ZNF740: variants seen among roughly 807,000 people sequenced by gnomAD.
ZNF740 encodes zinc finger protein 740, also known as oriLyt TD-element-binding protein 7.
A neutral mutation model predicts 24.8 loss-of-function variants in ZNF740; 14 were observed. That is an observed-to-expected ratio of 0.56 (90% CI 0.37 to 0.88). The LOEUF is 0.88. Among genes scored for constraint, ZNF740 ranks in the 40% least tolerant of loss-of-function variants. ZNF740 has a pLI of 0.00. For missense variants in ZNF740, 201 were observed against 247.9 expected (o/e 0.81, Z 1.27); for synonymous variants, 69 against 84.0 (o/e 0.82, Z 0.98).
chr12:53,181,121 G>GCTA, intron 1 of ZNF740: 1 of 968,454 alleles, frequency 1.0e-6, no homozygotes, highest in Non-Finnish European at 1.2e-6. Context: ...CTCTGCTCCC[G>GCTA]GTTGGTGCAG....
chr12:53,193,893 GAA>G lies in ZNF740; in HGVS notation c.*6305_*6306del. 1 of 1,612,606 alleles carries G rather than the reference GAA, an allele frequency of 6.2e-7. No individual in the cohort carries two copies. On this transcript the variant is annotated 3_prime_UTR_variant, in exon 7 of 7. Transcript: ENST00000416904. ...AGTGGGTGGCTTGGAGAGAAACCCAGAAAGTCACCTGAGAAGAGGCAGGAATC... is the reference window on the plus strand; with the variant it reads ...AGTGGGTGGCTTGGAGAGAAACCCAGAGTCACCTGAGAAGAGGCAGGAATC...
chr12:53,188,444 A>G lies in ZNF740; in HGVS notation c.*854A>G, dbSNP rs975199967. On this transcript the variant is annotated 3_prime_UTR_variant, in exon 7 of 7. Transcript: ENST00000416904. Reference sequence around the variant, plus strand: ...TCGGTCTTGGAGATGGTATGTGGCTACCTCGCTGCCATTGACTCCTAAAGT... The same window carrying G: ...TCGGTCTTGGAGATGGTATGTGGCTGCCTCGCTGCCATTGACTCCTAAAGT... The G allele has an allele frequency of 6.6e-6, 1 of 152,492 alleles. No individual in the cohort carries two copies. Among genetic ancestry groups the G allele is most frequent in the Non-Finnish European group, 1.5e-5 (1 of 68,020 alleles). The allele number at this position is 152,492 out of a possible 1,614,324, so 9.4% of individuals were successfully genotyped here.
rs1941795365 is a variant in ZNF740 at position 53,184,999 on chromosome 12, G to A, written c.118G>A (p.Glu40Lys). ...QIASKQAENG[E>K]RAGSPDVLRC... ...TGCCAGCAAGCAGGCCGAGAATGGC[G>A]AGCGGGCAGGTAGCCCTGATGTGCT... Residue 40 changes from glutamate to lysine, a missense_variant, in exon 3 of 7, where the codon GAG (glutamate) becomes AAG (lysine). By Grantham distance (56) the Glu-to-Lys change is moderately conservative. Transcript: ENST00000416904. 1.9e-6 allele frequency: 3 copies of A among 1,614,020 alleles called. No individual in the cohort carries two copies. The highest frequency in any genetic ancestry group is 1.7e-6 in the Non-Finnish European group (2 of 1,179,902).
At position 53,190,817 on chromosome 12, in the gene ZNF740, G is replaced by A. The variant is rs574016508; in HGVS notation, c.*3227G>A. Reference sequence around the variant, plus strand: ...ATTAAAGTGCAGTGTATGTTCCTTCGTGATATATTTAGGATATTTAAATAA... The same window carrying A: ...ATTAAAGTGCAGTGTATGTTCCTTCATGATATATTTAGGATATTTAAATAA... On this transcript the variant is annotated 3_prime_UTR_variant, in exon 7 of 7. Transcript: ENST00000416904. The A allele has an allele frequency of 1.9e-4, 29 of 151,856 alleles. No individual in the cohort carries two copies. The highest frequency in any genetic ancestry group is 4.8e-4 in the African/African-American group (20 of 41,366). The allele number at this position is 151,856 out of a possible 1,614,324, so 9.4% of individuals were successfully genotyped here. A position where few individuals can be genotyped will look rare whatever the true frequency, so the allele number is the denominator to read the frequency against.
chr12:53,181,541 A>G, intron 1 of ZNF740, 136 bp from the exon 2 acceptor site: 1 of 979,748 alleles, frequency 1.0e-6, no homozygotes. Flanking sequence ...TTGACCTAGA[A>G]AGAAAACTCT....
rs200684657 is a variant in ZNF740, at chr12:53,187,587, A to G, written c.579A>G (p.Leu193=). The part of the protein sequence containing the change: ...QSKTSDGQFS[L] ...AGACTTCCGACGGGCAGTTTTCTCT[A>G]TAGGCGCAAGGGGCCCCGGGTGGTG... Residue 193 remains leucine (L), a synonymous_variant, in exon 7 of 7, where the codon CTA becomes CTG. Transcript: ENST00000416904. 586 of 1,613,814 alleles carry G rather than the reference A, an allele frequency of 3.6e-4. 1 individual carries two copies. Among genetic ancestry groups the G allele is most frequent in the Admixed American group, 1.0e-3 (61 of 60,016 alleles).
rs1425097851 is a variant in ZNF740, at chr12:53,192,573, C to T, written c.*4983C>T. The T allele has an allele frequency of 6.2e-7, 1 of 1,607,230 alleles. No homozygotes were observed. On this transcript the variant is annotated 3_prime_UTR_variant, in exon 7 of 7. Coordinates refer to ENST00000416904, the MANE Select transcript of ZNF740 (RefSeq NM_001004304.4). The stretch of plus-strand genomic sequence containing the variant: ...AGATGCCAATAGGTTACCAGCTGGG[C>T]AGTTGTCACCCAATGCCCCTTGCCC...
chr12:53,184,114 GGTGTGTGTGTGTGTGTGTGT>G (rs754768891), intron 2 of ZNF740, among the ~76,000 whole-genome samples: 1 of 123,572 alleles, frequency 8.1e-6, no homozygotes, highest in South Asian at 2.7e-4. Flanking sequence ...GAAGCTAAGG[GGTGTGTGTGTGTGTGTGTGT>G]GTGTGTGTGT....
rs1565700787 is a variant in ZNF740, at chr12:53,194,022, A to G, written c.*6432A>G. The G allele has an allele frequency of 7.8e-7, 1 of 1,286,124 alleles. No homozygotes were observed. The highest frequency in any genetic ancestry group is 2.4e-5 in the East Asian group (1 of 41,952). 79.7% of individuals were successfully genotyped at this position (1,286,124 alleles called of 1,614,324 possible). A position where few individuals can be genotyped will look rare whatever the true frequency, so the allele number is the denominator to read the frequency against. On this transcript the variant is annotated 3_prime_UTR_variant, in exon 7 of 7. Coordinates refer to ENST00000416904, the MANE Select transcript of ZNF740 (RefSeq NM_001004304.4). ...AAGGGATGGGGTCATGTTAACACCC[A>G]ACTCCTAGAAACATGCCTGAGGAAG...
chr12:53,187,447 C>A, intron 6 of ZNF740, 54 bp from the exon 7 acceptor site: 1 of 1,486,182 alleles, frequency 6.7e-7, no homozygotes, highest in Non-Finnish European at 9.4e-7. Flanking sequence ...ATGAGTTAGC[C>A]AACAGGTAGC....
Position 53,191,557 on chromosome 12 carries a change from C to T in ZNF740, c.*3967C>T. 1 of 1,607,312 alleles carries T rather than the reference C, an allele frequency of 6.2e-7. No individual in the cohort carries two copies. Among genetic ancestry groups the T allele is most frequent in the East Asian group, 2.2e-5 (1 of 44,844 alleles). ...CTTGGGTAAGTGTCCCTCCCTCCTT[C>T]AGAGAGTGGGACTGTCTGCCTCTTG... is the stretch of plus-strand genomic sequence containing the variant. On this transcript the variant is annotated 3_prime_UTR_variant, in exon 7 of 7. Transcript: ENST00000416904.
Position 53,193,761 on chromosome 12 carries a change from G to T in ZNF740, c.*6171G>T, listed in dbSNP as rs558287707. On this transcript the variant is annotated 3_prime_UTR_variant, in exon 7 of 7. Transcript: ENST00000416904. ...GGCCATCACTGCAGTGGGGAGCCTGGGGCTGGGTGTCACTGCAATTACAGT... is the reference window on the plus strand; with the variant it reads ...GGCCATCACTGCAGTGGGGAGCCTGTGGCTGGGTGTCACTGCAATTACAGT... The T allele has an allele frequency of 3.1e-6, 5 of 1,614,010 alleles. No homozygotes were observed. In the East Asian group the frequency reaches 8.9e-5, roughly 29 times the overall value.
chr12:53,181,673 T>C lies in ZNF740; in HGVS notation c.-307-4T>C, dbSNP rs1447649528. 2.3e-6 allele frequency: 1 copy of C among 429,530 alleles called. No homozygotes were observed. 26.6% of individuals were successfully genotyped at this position (429,530 alleles called of 1,614,324 possible). A position where few individuals can be genotyped will look rare whatever the true frequency, so the allele number is the denominator to read the frequency against. ...GCAGCCCCCCTCTTCCTTTCTGGTTTCAGGTTTCTGAAACAGATCGTGAGC... is the reference window on the plus strand; with the variant it reads ...GCAGCCCCCCTCTTCCTTTCTGGTTCCAGGTTTCTGAAACAGATCGTGAGC... On this transcript the variant is annotated splice_region_variant and splice_polypyrimidine_tract_variant and intron_variant, in intron 1 of 6. Coordinates refer to ENST00000416904, the MANE Select transcript of ZNF740 (RefSeq NM_001004304.4).
At chr12:53,186,737 C>T in intron 6 of ZNF740, 1 of 434,194 alleles carries the variant, frequency 2.3e-6, no homozygotes, top group South Asian at 3.5e-5. Flanking sequence ...TTACTCTATG[C>T]CAGGCACTGT....
rs1942073022 is a variant in ZNF740 at position 53,194,139 on chromosome 12, T to C, written c.*6549T>C. The C allele has an allele frequency of 1.9e-6, 3 of 1,608,318 alleles. No individual in the cohort carries two copies. The highest frequency in any genetic ancestry group is 1.1e-5 in the South Asian group (1 of 90,540). On this transcript the variant is annotated 3_prime_UTR_variant, in exon 7 of 7. Transcript: ENST00000416904. ...CTGCCACCCATCTTTTCCTGCCTGC[T>C]TAATTTCCCACTCCCACCTCCCCCT...
intron 2 of ZNF740, among the ~76,000 whole-genome samples, chr12:53,184,208 G>A (rs961037920): frequency 3.6e-5 from 5 of 137,882 alleles, no homozygotes; most frequent in South Asian, 2.6e-4. Context: ...TGTGAGTGAC[G>A]GAGGGATTCT....
Position 53,193,852 on chromosome 12 carries a change from T to C in ZNF740, c.*6262T>C, listed in dbSNP as rs1393663695. On this transcript the variant is annotated 3_prime_UTR_variant, in exon 7 of 7. Coordinates refer to ENST00000416904, the MANE Select transcript of ZNF740 (RefSeq NM_001004304.4). The stretch of plus-strand genomic sequence containing the variant: ...GCCAAGGGCCCGGAGCCTCAGGAGA[T>C]GGGGCTCTGGGAGGCAGTGGGTGGC... The C allele has an allele frequency of 2.5e-6, 4 of 1,613,666 alleles. No individual in the cohort carries two copies. The African/African-American group carries it at 4.0e-5, about 16-fold the overall frequency.
rs1201744082 is a variant in ZNF740 at position 53,181,384 on chromosome 12, G to T, written c.-307-293G>T. The T allele has an allele frequency of 4.1e-6, 4 of 985,312 alleles. No individual in the cohort carries two copies. In the African/African-American group the frequency reaches 7.0e-5, roughly 17 times the overall value. The allele number at this position is 985,312 out of a possible 1,614,324, so 61.0% of individuals were successfully genotyped here. ...TCGGGCCGGCCCACTGGGCACAAAA[G>T]CCCCAAAGGGTCTCCGCCCCCTTCT... is the stretch of plus-strand genomic sequence containing the variant. On this transcript the variant is annotated intron_variant, in intron 1 of 6. Coordinates refer to ENST00000416904, the MANE Select transcript of ZNF740 (RefSeq NM_001004304.4).
intron 6 of ZNF740, chr12:53,186,802 G>A: frequency 3.7e-6 from 1 of 267,498 alleles, no homozygotes; most frequent in Admixed American, 4.5e-5. Context: ...ACTCCCTAAG[G>A]TAGCTGTATT....
Sources: allele counts gnomAD v4.1 joint callset (sites outside exome capture counted in the v4.1 genomes callset), GRCh38; gene constraint gnomAD v4.1.1; transcripts MANE v1.5; gene names NCBI Gene and HGNC (gene_info 2026-07-23, HGNC 2026-07-21).